Variants in LPP observed in about 807,000 individuals in gnomAD.
LPP encodes the protein LIM domain containing preferred translocation partner in lipoma.
LPP carries 38 observed loss-of-function variants against 60.4 expected under a neutral mutation model. The ratio of observed to expected loss-of-function variants is 0.63; its 90% CI spans 0.49 to 0.83. LPP has a LOEUF of 0.83. Among genes scored for constraint, LPP ranks in the 40% least tolerant of loss-of-function variants. The pLI is 0.00. For synonymous variants in LPP, 328 were observed against 290.8 expected (o/e 1.13, Z -1.30); for missense variants, 902 against 783.6 (o/e 1.15, Z -1.80).
chr3:188,668,596 G>T (rs933447278), intron 7 of LPP, among the ~76,000 whole-genome samples: 2 of 152,186 alleles, frequency 1.3e-5, no homozygotes, highest in African/African-American at 4.8e-5. Context: ...GAGCAGAAGA[G>T]GCAAGATTGA....
intron 1 of LPP, among the ~76,000 whole-genome samples, chr3:188,191,610 A>C (rs1728198213): frequency 6.6e-6 from 1 of 152,198 alleles, no homozygotes; most frequent in South Asian, 2.1e-4. Context: ...AGTTTGATTC[A>C]ACACAGCAGT....
intron 4 of LPP, among the ~76,000 whole-genome samples, chr3:188,422,341 A>G (rs1788027948): frequency 6.6e-6 from 1 of 152,200 alleles, no homozygotes; most frequent in Admixed American, 6.5e-5. Flanking sequence ...TAGTGTTAGC[A>G]GATTATGGTA....
chr3:188,548,332 G>T (rs114944263), intron 6 of LPP, among the ~76,000 whole-genome samples: 1 of 152,082 alleles, frequency 6.6e-6, no homozygotes, highest in African/African-American at 2.4e-5. Flanking sequence ...AAAACATTCC[G>T]TGGTGATTCC....
At chr3:188,210,535 T>G (rs1291442618) in intron 1 of LPP, among the ~76,000 whole-genome samples, 1 of 152,200 alleles carries the variant, frequency 6.6e-6, no homozygotes, top group African/African-American at 2.4e-5. Context: ...CTTAATGGCC[T>G]TTATGGCCAC....
chr3:188,384,747 G>A (rs1178598170), intron 3 of LPP, among the ~76,000 whole-genome samples: 24 of 130,812 alleles, frequency 1.8e-4, no homozygotes, highest in African/African-American at 5.4e-4. Context: ...CTGAGATTGC[G>A]TCACTGCACT....
intron 4 of LPP, among the ~76,000 whole-genome samples, chr3:188,436,039 A>G (rs2149206506): frequency 6.6e-6 from 1 of 152,364 alleles, no homozygotes; most frequent in South Asian, 2.1e-4. Context: ...ACAGGAGCCA[A>G]TGCAATTTTT....
At chr3:188,780,598 T>C (rs1392903317) in intron 9 of LPP, among the ~76,000 whole-genome samples, 1 of 152,214 alleles carries the variant, frequency 6.6e-6, no homozygotes, top group African/African-American at 2.4e-5. Context: ...CCCAGGTTTC[T>C]ACTCAGTCTG....
chr3:188,215,515 G>T (rs1713197967), intron 1 of LPP, among the ~76,000 whole-genome samples: 1 of 152,082 alleles, frequency 6.6e-6, no homozygotes, highest in South Asian at 2.1e-4. Context: ...CTGTATCTAA[G>T]TGGAATCATA....
chr3:188,549,988 C>T (rs1048387498), intron 6 of LPP, among the ~76,000 whole-genome samples: 1 of 152,158 alleles, frequency 6.6e-6, no homozygotes, highest in Non-Finnish European at 1.5e-5. Context: ...ACTATATTTT[C>T]ACCAGCAATT....
intron 3 of LPP, among the ~76,000 whole-genome samples, chr3:188,386,485 T>C (rs1245675459): frequency 2.0e-5 from 3 of 152,202 alleles, no homozygotes; most frequent in Non-Finnish European, 4.4e-5. Flanking sequence ...TACAGAATAT[T>C]AGAAACTGAC....
chr3:188,810,088 T>C (rs977570868), intron 9 of LPP, among the ~76,000 whole-genome samples: 1 of 152,154 alleles, frequency 6.6e-6, no homozygotes, highest in Admixed American at 6.5e-5. Context: ...TCTGCTGAGA[T>C]CTGAGGAAAA....
intron 2 of LPP, among the ~76,000 whole-genome samples, chr3:188,297,317 A>G (rs1560214491): frequency 6.6e-6 from 1 of 152,194 alleles, no homozygotes. Flanking sequence ...ATTGCTTGTA[A>G]ATTTCAGACT....
intron 6 of LPP, among the ~76,000 whole-genome samples, chr3:188,539,181 A>G (rs1824457526): frequency 6.6e-6 from 1 of 152,220 alleles, no homozygotes; most frequent in Admixed American, 6.5e-5. Context: ...TAACTAAAAA[A>G]TTTGTTTTAA....
At chr3:188,462,587 C>CATATATATAT (rs1799339704) in intron 4 of LPP, among the ~76,000 whole-genome samples, 2 of 43,162 alleles carry the variant, frequency 4.6e-5, no homozygotes, top group Non-Finnish European at 8.4e-5. Context: ...TATATATATG[C>CATATATATAT]ATGTGTGTGT....
chr3:188,800,824 G>C (rs1320595413), intron 9 of LPP, among the ~76,000 whole-genome samples: 3 of 152,054 alleles, frequency 2.0e-5, no homozygotes, highest in Non-Finnish European at 1.5e-5. Context: ...TCTATGCTTA[G>C]TAACTGCTTG....
rs1442170326 is a variant in LPP, at chr3:188,368,680, T to TCACACA, written c.-10+26962_-10+26963insACACAC. Among the ~76,000 whole-genome samples, 669 of 95,202 alleles carry TCACACA rather than the reference T, an allele frequency of 7.0e-3. 2 individuals carry two copies. The highest frequency in any genetic ancestry group is 8.2e-3 in the Non-Finnish European group (389 of 47,328). 62.5% of individuals were successfully genotyped at this position (95,202 alleles called of 152,430 possible). ...TGTTATACTACAAACACACACACAC[T>TCACACA]CTCACACACACACACACACACACAC... On this transcript the variant is annotated intron_variant, in intron 3 of 11. Transcript: ENST00000617246.
chr3:188,717,408 G>T (rs1490566148), intron 8 of LPP, among the ~76,000 whole-genome samples: 1 of 152,192 alleles, frequency 6.6e-6, no homozygotes. Flanking sequence ...TTTCCAAAGT[G>T]CTTCTATCAA....
chr3:188,434,725 A>G (rs1488805908), intron 4 of LPP, among the ~76,000 whole-genome samples: 1 of 152,232 alleles, frequency 6.6e-6, no homozygotes, highest in African/African-American at 2.4e-5. Flanking sequence ...GACTGGACTC[A>G]GGAGACTTGG....
chr3:188,794,806 A>G (rs1004422414), intron 9 of LPP, among the ~76,000 whole-genome samples: 66 of 152,060 alleles, frequency 4.3e-4, no homozygotes, highest in Non-Finnish European at 5.9e-5. Context: ...ACCTACAGAA[A>G]CCATGGAGCA....
Sources: allele counts gnomAD v4.1 joint callset (sites outside exome capture counted in the v4.1 genomes callset), GRCh38; gene constraint gnomAD v4.1.1; transcripts MANE v1.5; gene names NCBI Gene and HGNC (gene_info 2026-07-23, HGNC 2026-07-21).